APPL2: variants seen among roughly 807,000 people sequenced by gnomAD.
The protein encoded by APPL2 is adaptor protein, phosphotyrosine interacting with PH domain and leucine zipper 2.
A neutral mutation model predicts 92.7 loss-of-function variants in APPL2; 84 were observed. The ratio of observed to expected loss-of-function variants is 0.91; its 90% CI spans 0.76 to 1.09. The LOEUF is 1.09. Ranked by LOEUF, APPL2 falls within the 50% of genes least tolerant of loss-of-function variation. The pLI is 0.00. For synonymous variants in APPL2, 291 were observed against 291.0 expected (o/e 1.00, Z 0.00); for missense variants, 736 against 824.5 (o/e 0.89, Z 1.31).
At chr12:105,180,729 T>C (rs1411875390) in intron 17 of APPL2, among the ~76,000 whole-genome samples, 1 of 152,230 alleles carries the variant, frequency 6.6e-6, no homozygotes, top group African/African-American at 2.4e-5. Flanking sequence ...TTAGTAGCAA[T>C]TGTGAATGGG....
At chr12:105,215,001 G>T (rs1040312454) in intron 4 of APPL2, among the ~76,000 whole-genome samples, 1 of 152,148 alleles carries the variant, frequency 6.6e-6, no homozygotes, top group South Asian at 2.1e-4. Flanking sequence ...GTTCCACGCC[G>T]CCTCCCCTGT....
chr12:105,175,197 T>C (rs909460892), intron 20 of APPL2, among the ~76,000 whole-genome samples: 99 of 152,324 alleles, frequency 6.5e-4, no homozygotes, highest in African/African-American at 2.1e-3. Context: ...TTTTGTCTTA[T>C]GATAGCAGAG....
chr12:105,233,940 T>A (rs1246092960), intron 1 of APPL2, among the ~76,000 whole-genome samples: 1 of 152,212 alleles, frequency 6.6e-6, no homozygotes, highest in Non-Finnish European at 1.5e-5. Flanking sequence ...ATGAAGGGGA[T>A]GGATTAGATT....
chr12:105,185,411 G>A (rs534168406), intron 17 of APPL2, among the ~76,000 whole-genome samples: 1 of 152,280 alleles, frequency 6.6e-6, no homozygotes, highest in African/African-American at 2.4e-5. Context: ...GAATCTCCTG[G>A]TCTGCGGGCT....
intron 16 of APPL2, 104 bp from the exon 17 acceptor site, chr12:105,188,551 C>CT: frequency 4.0e-6 from 5 of 1,243,962 alleles, no homozygotes; most frequent in Non-Finnish European, 5.5e-6. Flanking sequence ...CTGTGGAGGA[C>CT]TTTCTACCAA....
chr12:105,235,834 G>T, intron 1 of APPL2, 125 bp downstream of exon 1: 2 of 707,524 alleles, frequency 2.8e-6, no homozygotes, highest in Non-Finnish European at 3.9e-6. Flanking sequence ...GGTGGGAGGC[G>T]CCGCGAGGGG....
At chr12:105,202,255 G>T (rs1888274882) in intron 9 of APPL2, among the ~76,000 whole-genome samples, 1 of 152,182 alleles carries the variant, frequency 6.6e-6, no homozygotes, top group Non-Finnish European at 1.5e-5. Flanking sequence ...AGGCCATGTA[G>T]CCCGGGCGCA....
At chr12:105,228,913 TG>T (rs1323439377) in intron 2 of APPL2, among the ~76,000 whole-genome samples, 1 of 152,256 alleles carries the variant, frequency 6.6e-6, no homozygotes, top group African/African-American at 2.4e-5. Context: ...CCATCTCTAA[TG>T]GTTCTAATTA....
Position 105,199,492 on chromosome 12 carries a change from C to G in APPL2, c.744G>C (p.Arg248=). 1 of 1,613,992 alleles carries G rather than the reference C, an allele frequency of 6.2e-7. No homozygotes were observed. Among genetic ancestry groups the G allele is most frequent in the East Asian group, 2.2e-5 (1 of 44,880 alleles). The change falls in exon 10 of 21, where the codon CGG becomes CGC. Residue 248 remains arginine (R), a synonymous_variant. Coordinates refer to ENST00000258530, the MANE Select transcript of APPL2 (RefSeq NM_018171.5). The part of the protein sequence containing the change: ...VELEAEAEKM[R]VSQQELLSVD... ...CAGAAAGTAATTCTTGCTGGGACAC[C>G]CGCATCTTTTCCGCCTCGGCTTCCA... is the stretch of plus-strand genomic sequence containing the variant.
At chr12:105,178,765 A>G (rs982985203) in intron 17 of APPL2, among the ~76,000 whole-genome samples, 1 of 152,236 alleles carries the variant, frequency 6.6e-6, no homozygotes, top group Non-Finnish European at 1.5e-5. Flanking sequence ...AGAAGTGTGT[A>G]TGGGAATTTA....
chr12:105,194,515 A>AC (rs1455486947), intron 14 of APPL2, among the ~76,000 whole-genome samples: 1 of 152,054 alleles, frequency 6.6e-6, no homozygotes, highest in Non-Finnish European at 1.5e-5. Flanking sequence ...ACATAGTGAA[A>AC]CCCCATCTCT....
intron 2 of APPL2, among the ~76,000 whole-genome samples, chr12:105,225,311 A>G (rs1196773): frequency 0.68 from 103,658 of 151,880 alleles, 35,918 homozygotes; most frequent in African/African-American, 0.8. Flanking sequence ...GCCTGCCAGG[A>G]ACATTATTAC....
At chr12:105,206,803 C>G (rs1888738447) in intron 8 of APPL2, 1 of 359,676 alleles carries the variant, frequency 2.8e-6, no homozygotes, top group African/African-American at 2.1e-5. Context: ...AAGGGCCACA[C>G]AGGCTCTTCC....
At chr12:105,209,397 A>C (rs142906148) in intron 5 of APPL2, among the ~76,000 whole-genome samples, 2 of 152,190 alleles carry the variant, frequency 1.3e-5, no homozygotes, top group African/African-American at 4.8e-5. Flanking sequence ...GAGCAGTTTT[A>C]TTCCACTTAA....
At chr12:105,229,528 C>T (rs1234004489) in intron 1 of APPL2, 1 of 1,032,434 alleles carries the variant, frequency 9.7e-7, no homozygotes, top group Non-Finnish European at 1.2e-6. Context: ...TAGCCCCTAC[C>T]TAAGCACCAG....
rs1456182690 is a variant in APPL2 at position 105,200,901 on chromosome 12, T to TATCC, written c.705-1374_705-1371dup. On this transcript the variant is annotated intron_variant, in intron 9 of 20. Transcript: ENST00000258530. ...CTATCTATCTATCTATCTATCTATCTATCCTATCTATCTAATCTATTCATT... is the reference window on the plus strand; with the variant it reads ...CTATCTATCTATCTATCTATCTATCTATCCATCCTATCTATCTAATCTATTCATT... Among the ~76,000 whole-genome samples, 3 of 149,540 alleles carry TATCC rather than the reference T, an allele frequency of 2.0e-5. No individual in the cohort carries two copies. In the East Asian group the frequency reaches 5.8e-4, roughly 29 times the overall value.
Position 105,217,142 on chromosome 12 carries a change from T to C in APPL2, c.214-2A>G. The C allele has an allele frequency of 6.3e-7, 1 of 1,599,964 alleles. No individual in the cohort carries two copies. The highest frequency in any genetic ancestry group is 8.5e-7 in the Non-Finnish European group (1 of 1,172,784). On this transcript the variant is annotated splice_acceptor_variant, in intron 3 of 20. Coordinates refer to ENST00000258530, the MANE Select transcript of APPL2 (RefSeq NM_018171.5). LOFTEE classifies it high-confidence loss of function. The stretch of plus-strand genomic sequence containing the variant: ...ATCACCTTTGCCAAGAGCAAAGTTC[T>C]AAGACCAAAGAATAAAAGAAGCAGG...
Position 105,176,890 on chromosome 12 carries a change from A to G in APPL2, c.1798T>C (p.Ser600Pro). Residue 600 changes from serine to proline, a missense_variant, in exon 19 of 21, where the codon TCA becomes CCA. By Grantham distance (74) the Ser-to-Pro change is moderately conservative. Coordinates refer to ENST00000258530, the MANE Select transcript of APPL2 (RefSeq NM_018171.5). Reference protein sequence around the residue: ...SLSTYIFESNSEGEKICYAIN... With the variant: ...SLSTYIFESNPEGEKICYAIN... ...GAAAAAGAGACCTTTTCGCCTTCTG[A>G]GTTGCTTTCAAAAATGTATGTACTC... 6.2e-7 allele frequency: 1 copy of G among 1,613,990 alleles called. No individual in the cohort carries two copies. The highest frequency in any genetic ancestry group is 8.5e-7 in the Non-Finnish European group (1 of 1,179,946).
rs1352415799 is a variant in APPL2, at chr12:105,176,793, C to G, written c.1812+83G>C. On this transcript the variant is annotated intron_variant, in intron 19 of 20. Coordinates refer to ENST00000258530, the MANE Select transcript of APPL2 (RefSeq NM_018171.5). ...ACATGCAGAATAATCAACTAAATAT[C>G]CAAGGAAGTAATGCCAGAAAACTCT... is the stretch of plus-strand genomic sequence containing the variant. 3.3e-6 allele frequency: 5 copies of G among 1,510,990 alleles called. No individual in the cohort carries two copies. In the East Asian group the frequency reaches 1.1e-4, roughly 34 times the overall value. 93.6% of individuals were successfully genotyped at this position (1,510,990 alleles called of 1,614,324 possible). A position where few individuals can be genotyped will look rare whatever the true frequency, so the allele number is the denominator to read the frequency against.
Sources: gnomAD v4.1 joint callset for allele counts (sites outside exome capture counted in the v4.1 genomes callset) on GRCh38, gnomAD v4.1.1 for gene constraint, MANE v1.5 for transcripts, NCBI Gene and HGNC (gene_info 2026-07-23, HGNC 2026-07-21) for gene names.